Variants in CACNB1 observed in about 807,000 individuals in gnomAD.
CACNB1 encodes the protein calcium voltage-gated channel auxiliary subunit beta 1.
CACNB1 carries 29 observed loss-of-function variants against 71.6 expected under a neutral mutation model. The ratio of observed to expected loss-of-function variants is 0.40; its 90% CI spans 0.30 to 0.55. The LOEUF (loss-of-function observed/expected upper bound fraction) is 0.55, where lower values mean the gene tolerates loss of function less well. Among genes scored for constraint, CACNB1 ranks in the 20% least tolerant of loss-of-function variants. The pLI is 0.38. For synonymous variants in CACNB1, 300 were observed against 319.6 expected (o/e 0.94, Z 0.65); for missense variants, 623 against 801.8 (o/e 0.78, Z 2.69).
intron 6 of CACNB1, among the ~76,000 whole-genome samples, chr17:39,185,358 T>A (rs945760695): frequency 2.0e-5 from 3 of 151,998 alleles, no homozygotes; most frequent in Admixed American, 6.6e-5. Context: ...GAGGTGGCCC[T>A]GGATCAGGGC....
Position 39,186,070 on chromosome 17 carries a change from G to A in CACNB1, c.628+426C>T, listed in dbSNP as rs766406540. The A allele has an allele frequency of 2.7e-5, 43 of 1,613,884 alleles. No homozygotes were observed. Among genetic ancestry groups the A allele is most frequent in the Admixed American group, 5.0e-5 (3 of 59,988 alleles). On this transcript the variant is annotated intron_variant, in intron 6 of 13. Transcript: ENST00000394303. This position sits in a 1 kb window ranked among gnomAD's most constrained non-coding sequence, Gnocchi z 4.1. The stretch of plus-strand genomic sequence containing the variant: ...CCTCTTCCTCCTCTAACTCTAGGGG[G>A]TCTAGTTCAAAGGCTAAGTTAGTCA...
At position 39,183,768 on chromosome 17, in the gene CACNB1, A is replaced by G. The variant is rs1386892896; in HGVS notation, c.995T>C (p.Leu332Pro). ...GATGGGGGCCAGCGAGGTCTTGGAC[A>G]GCTGGGCTGGGTGATTGATGGTGTC... ...DADTINHPAQ[L>P]SKTSLAPIIV... Residue 332 changes from leucine to proline, a missense_variant, in exon 11 of 14, where the codon CTG becomes CCG. By Grantham distance (98) the Leu-to-Pro change is moderately conservative. Coordinates refer to ENST00000394303, the MANE Select transcript of CACNB1 (RefSeq NM_000723.5). The G allele has an allele frequency of 6.2e-7, 1 of 1,613,814 alleles. No individual in the cohort carries two copies. Among genetic ancestry groups the G allele is most frequent in the Non-Finnish European group, 8.5e-7 (1 of 1,179,862 alleles).
chr17:39,177,482 A>G lies in CACNB1; in HGVS notation c.1200T>C (p.His400=). The G allele has an allele frequency of 6.2e-7, 1 of 1,609,756 alleles. No individual in the cohort carries two copies. The highest frequency in any genetic ancestry group is 8.5e-7 in the Non-Finnish European group (1 of 1,176,696). ...AATAGGCTTCCAAGTACTCCGCCAG[A>G]TGCTCGCAGGCATCCTCCAATTGGT... ...DENQLEDACE[H]LAEYLEAYWK... Residue 400 remains histidine (H), a synonymous_variant, in exon 13 of 14, where the codon CAT becomes CAC. Transcript: ENST00000394303.
chr17:39,177,502 A>G lies in CACNB1; in HGVS notation c.1180T>C (p.Leu394=), dbSNP rs761568285. The G allele has an allele frequency of 6.2e-6, 10 of 1,604,600 alleles. No individual in the cohort carries two copies. Among genetic ancestry groups the G allele is most frequent in the East Asian group, 2.2e-5 (1 of 44,656 alleles). ...MFDIILDENQ[L]EDACEHLAEY... is the part of the protein sequence containing the mutation. ...GCCAGATGCTCGCAGGCATCCTCCA[A>G]TTGGTTCTCATCCAGGATGATGTCA... The change falls in exon 13 of 14, where the codon TTG becomes CTG. Residue 394 remains leucine (L), a synonymous_variant. Coordinates refer to ENST00000394303, the MANE Select transcript of CACNB1 (RefSeq NM_000723.5).
chr17:39,189,109 A>G (rs1027046223), intron 3 of CACNB1, among the ~76,000 whole-genome samples: 11 of 152,290 alleles, frequency 7.2e-5, no homozygotes, highest in African/African-American at 2.4e-4. Context: ...TCATGCCTGT[A>G]ATCCCAGCAC....
Position 39,186,912 on chromosome 17 carries a change from C to T in CACNB1, c.432G>A (p.Trp144Ter). The change falls in exon 5 of 14, where the codon TGG (tryptophan) becomes TGA (stop). Residue 144 changes from tryptophan (W) to a stop codon, truncating the protein, a stop_gained. Transcript: ENST00000394303. LOFTEE classifies it high-confidence loss of function. This position sits in a 1 kb window ranked among gnomAD's most constrained non-coding sequence, Gnocchi z 4.1. ...CCTCCTTCACCAGCCGCCCGATCCA[C>T]CAGTCATTATTGTATTTCTGCAAAG... is the stretch of plus-strand genomic sequence containing the variant. ...LHIKEKYNND[W>*]WIGRLVKEGC... 6.2e-7 allele frequency: 1 copy of T among 1,614,094 alleles called. No homozygotes were observed. The highest frequency in any genetic ancestry group is 8.5e-7 in the Non-Finnish European group (1 of 1,179,974).
In CACNB1 at chr17:39,186,128, G is replaced by GGGA; in HGVS notation, c.628+365_628+367dup. On this transcript the variant is annotated intron_variant, in intron 6 of 13. Transcript: ENST00000394303. The surrounding 1 kb of genome is among the most constrained non-coding windows in gnomAD (Gnocchi z 4.1). ...ACCTGGACCGGAGAGTCAGGAGAGA[G>GGGA]GGAGGAGGGAGGCGAGGTGGGGAGA... is the stretch of plus-strand genomic sequence containing the variant. The GGGA allele has an allele frequency of 6.2e-7, 1 of 1,607,848 alleles. No individual in the cohort carries two copies. The highest frequency in any genetic ancestry group is 1.1e-5 in the South Asian group (1 of 90,688).
chr17:39,186,807 G>C lies in CACNB1; in HGVS notation c.537C>G (p.Asn179Lys). 6.2e-7 allele frequency: 1 copy of C among 1,614,006 alleles called. No homozygotes were observed. The highest frequency in any genetic ancestry group is 1.7e-4 in the Middle Eastern group (1 of 5,946). The change falls in exon 5 of 14, where the codon AAC (asparagine) becomes AAG (lysine). Residue 179 changes from asparagine (N) to lysine (K), a missense_variant. Asn to Lys is a moderately conservative substitution (Grantham distance 94). Coordinates refer to ENST00000394303, the MANE Select transcript of CACNB1 (RefSeq NM_000723.5). This position sits in a 1 kb window ranked among gnomAD's most constrained non-coding sequence, Gnocchi z 4.1. ...RLLQEQKLRQNRLGSSKSGDN... is the reference protein window; with the variant it reads ...RLLQEQKLRQKRLGSSKSGDN... ...CACCCAGACACCTGGAGCCGAGGCG[G>C]TTCTGGCGCAGCTTCTGTTCCTGCA...
Position 39,175,183 on chromosome 17 carries a change from C to A in CACNB1, c.*10G>T. On this transcript the variant is annotated 3_prime_UTR_variant, in exon 14 of 14. Transcript: ENST00000394303. The surrounding 1 kb of genome is among the most constrained non-coding windows in gnomAD (Gnocchi z 4.7). The stretch of plus-strand genomic sequence containing the variant: ...CAGAGCCCTTCCTCCCGCCGTGTGG[C>A]CCCTGCCTCTCAGCGAATGTAGACG... 2 of 1,598,402 alleles carry A rather than the reference C, an allele frequency of 1.3e-6. No homozygotes were observed. The highest frequency in any genetic ancestry group is 1.7e-6 in the Non-Finnish European group (2 of 1,169,972).
chr17:39,187,022 C>T lies in CACNB1; in HGVS notation c.415-93G>A, dbSNP rs1035223305. The T allele has an allele frequency of 1.5e-5, 21 of 1,399,316 alleles. No individual in the cohort carries two copies. In the South Asian group the frequency reaches 1.8e-4, roughly 12 times the overall value. The allele number at this position is 1,399,316 out of a possible 1,614,324, so 86.7% of individuals were successfully genotyped here. On this transcript the variant is annotated intron_variant, in intron 4 of 13. Coordinates refer to ENST00000394303, the MANE Select transcript of CACNB1 (RefSeq NM_000723.5). ...TCTCTAGGGGAAACGCCCAGACTCACCTCCCAGCCCAGGGGTGGCACCCTC... is the reference window on the plus strand; with the variant it reads ...TCTCTAGGGGAAACGCCCAGACTCATCTCCCAGCCCAGGGGTGGCACCCTC...
intron 11 of CACNB1, among the ~76,000 whole-genome samples, chr17:39,179,907 T>TA (rs972318659): frequency 6.7e-6 from 1 of 148,514 alleles, no homozygotes; most frequent in African/African-American, 2.5e-5. Context: ...AGACTCTGTC[T>TA]AAAAAACAAC....
Position 39,186,109 on chromosome 17 carries a change from A to AC in CACNB1, c.628+386dup, listed in dbSNP as rs755399380. ...CTAAGTTAGTCATTTCATTACCTGG[A>AC]CCGGAGAGTCAGGAGAGAGGGAGGA... On this transcript the variant is annotated intron_variant, in intron 6 of 13. Transcript: ENST00000394303. This position sits in a 1 kb window ranked among gnomAD's most constrained non-coding sequence, Gnocchi z 4.1. 4 of 1,613,222 alleles carry AC rather than the reference A, an allele frequency of 2.5e-6. No individual in the cohort carries two copies. The South Asian group carries it at 4.4e-5, about 18-fold the overall frequency.
At chr17:39,180,622 T>A (rs1042402979) in intron 11 of CACNB1, among the ~76,000 whole-genome samples, 2 of 150,962 alleles carry the variant, frequency 1.3e-5, no homozygotes, top group Non-Finnish European at 2.9e-5. Flanking sequence ...ACCACTGCAC[T>A]CCAGCCTGGG....
In CACNB1 at chr17:39,186,958, A is replaced by G. The variant is rs777863088; in HGVS notation, c.415-29T>C. On this transcript the variant is annotated intron_variant, in intron 4 of 13. Coordinates refer to ENST00000394303, the MANE Select transcript of CACNB1 (RefSeq NM_000723.5). This position sits in a 1 kb window ranked among gnomAD's most constrained non-coding sequence, Gnocchi z 4.1. Reference sequence around the variant, plus strand: ...CAAAGAATATGGCAGGTGGGTGGAAAGAGCAAGAGGGAAACTGCAGGGGCA... The same window carrying G: ...CAAAGAATATGGCAGGTGGGTGGAAGGAGCAAGAGGGAAACTGCAGGGGCA... 1 of 1,610,310 alleles carries G rather than the reference A, an allele frequency of 6.2e-7. No individual in the cohort carries two copies. The highest frequency in any genetic ancestry group is 8.5e-7 in the Non-Finnish European group (1 of 1,176,872).
At chr17:39,187,084 G>T (rs2144143443) in intron 4 of CACNB1, 155 bp from the exon 5 acceptor site, 1 of 747,578 alleles carries the variant, frequency 1.3e-6, no homozygotes, top group Non-Finnish European at 2.2e-6. Flanking sequence ...TCTGAGTGGA[G>T]CTGCCAATTC....
At chr17:39,184,908 C>T in intron 7 of CACNB1, 44 bp from the exon 8 acceptor site, 2 of 1,324,206 alleles carry the variant, frequency 1.5e-6, no homozygotes, top group Non-Finnish European at 2.2e-6. Flanking sequence ...GTGGAGATGA[C>T]ATTAGATCCT....
At position 39,187,488 on chromosome 17, in the gene CACNB1, G is replaced by A. The variant is rs1420006498; in HGVS notation, c.405C>T (p.His135=). Residue 135 remains histidine (H), a synonymous_variant, in exon 4 of 14, where the codon CAC becomes CAT. Transcript: ENST00000394303. ...AITFEPKDFL[H]IKEKYNNDWW... ...CCCTCCAGATACCCACCTCCTTGATGTGCAGGAAGTCTTTGGGCTCGAAGG... is the reference window on the plus strand; with the variant it reads ...CCCTCCAGATACCCACCTCCTTGATATGCAGGAAGTCTTTGGGCTCGAAGG... 1 of 1,614,000 alleles carries A rather than the reference G, an allele frequency of 6.2e-7. No individual in the cohort carries two copies. The highest frequency in any genetic ancestry group is 8.5e-7 in the Non-Finnish European group (1 of 1,179,980).
chr17:39,185,109 C>A lies in CACNB1; in HGVS notation c.648+22G>T, dbSNP rs199506347. On this transcript the variant is annotated intron_variant, in intron 7 of 13. Transcript: ENST00000394303. ...TCATCCCAGGGAGTGGGGAGGAGGA[C>A]ACAGAAAGCTGTGATACTCACCGAC... is the stretch of plus-strand genomic sequence containing the variant. The A allele has an allele frequency of 3.7e-6, 6 of 1,612,170 alleles. No individual in the cohort carries two copies. In the East Asian group the frequency reaches 1.3e-4, roughly 36 times the overall value.
chr17:39,192,128 TC>T lies in CACNB1; in HGVS notation c.172-536del, dbSNP rs200947439. The T allele has an allele frequency of 4.6e-3, 745 of 162,724 alleles. 4 individuals carry two copies. Among genetic ancestry groups the T allele is most frequent in the African/African-American group, 0.017 (725 of 41,620 alleles). 10.1% of individuals were successfully genotyped at this position (162,724 alleles called of 1,614,324 possible). On this transcript the variant is annotated intron_variant, in intron 2 of 13. Coordinates refer to ENST00000394303, the MANE Select transcript of CACNB1 (RefSeq NM_000723.5). ...GGGTAGAGGGAGACAGACTCCTACC[TC>T]CCCTGCTCCTCTTAACTGGTACTGC...
Sources: allele counts gnomAD v4.1 joint callset (sites outside exome capture counted in the v4.1 genomes callset), GRCh38; gene constraint gnomAD v4.1.1; non-coding constraint Gnocchi (gnomAD v3.1); transcripts MANE v1.5; gene names NCBI Gene and HGNC (gene_info 2026-07-23, HGNC 2026-07-21).